Variants in KRT18 observed in about 807,000 individuals in gnomAD.
KRT18 encodes the protein keratin, type I cytoskeletal 18.
KRT18 carries 8 observed loss-of-function variants against 39.9 expected under a neutral mutation model. That is an observed-to-expected ratio of 0.20 (90% CI 0.12 to 0.36). The LOEUF (loss-of-function observed/expected upper bound fraction) is 0.36, where lower values mean the gene tolerates loss of function less well. Ranked by LOEUF, KRT18 falls within the 10% of genes least tolerant of loss-of-function variation. KRT18 has a pLI of 1.00. For synonymous variants in KRT18, 194 were observed against 227.8 expected, an observed-to-expected ratio of 0.85 and a Z score of 1.33; for missense variants, 396 against 565.7, an observed-to-expected ratio of 0.70 and a Z score of 3.04.
rs531597374 is a variant in KRT18, at chr12:52,950,905, A to G, written c.656A>G (p.Glu219Gly). The change falls in exon 3 of 7, where the codon GAG becomes GGG. Residue 219 changes from glutamate to glycine, a missense_variant and splice_region_variant. By Grantham distance (98) the Glu-to-Gly change is moderately conservative. Transcript: ENST00000388835. The stretch of plus-strand genomic sequence containing the variant: ...CTCTTCATGAAGAAGAACCACGAAG[A>G]GGCAAGCAGGGGCCACTGGCCAGGC... ...ELLFMKKNHE[E>G]EVKGLQAQIA... 4.5e-6 allele frequency: 7 copies of G among 1,572,150 alleles called. No homozygotes were observed. The South Asian group carries it at 4.6e-5, about 10-fold the overall frequency.
chr12:52,952,085 G>T, intron 5 of KRT18, 34 bp from the exon 6 acceptor site: 2 of 1,501,854 alleles, frequency 1.3e-6, no homozygotes, highest in African/African-American at 2.8e-5. Context: ...GGGACTCTGG[G>T]CTCACCCTGC....
chr12:52,952,580 T>G, intron 6 of KRT18, 142 bp from the exon 7 acceptor site: 1 of 1,007,160 alleles, frequency 9.9e-7, no homozygotes, highest in Non-Finnish European at 1.6e-6. Flanking sequence ...AGTTTGGCCT[T>G]GAGTTTCCCT....
chr12:52,952,090 C>T (rs996180329), intron 5 of KRT18, 29 bp from the exon 6 acceptor site: 18 of 1,515,338 alleles, frequency 1.2e-5, no homozygotes, highest in Non-Finnish European at 1.5e-5. Flanking sequence ...TCTGGGCTCA[C>T]CCTGCCCCTC....
chr12:52,952,293 G>A lies in KRT18; in HGVS notation c.1123G>A (p.Ala375Thr), dbSNP rs1175939678. ...ALLNIKVKLEAEIATYRRLLE... is the reference protein window; with the variant it reads ...ALLNIKVKLETEIATYRRLLE... ...GCTGAACATCAAGGTCAAGCTGGAG[G>A]CTGAGATCGCCACCTACCGCCGCCT... The change falls in exon 6 of 7, where the codon GCT (alanine) becomes ACT (threonine). Residue 375 changes from alanine to threonine, a missense_variant. Transcript: ENST00000388835. The A allele has an allele frequency of 3.1e-6, 5 of 1,608,618 alleles. 1 individual carries two copies. In the African/African-American group the frequency reaches 5.3e-5, roughly 17 times the overall value.
rs373418568 is a variant in KRT18, at chr12:52,949,148, C to G, written c.-26C>G. 3 of 1,591,430 alleles carry G rather than the reference C, an allele frequency of 1.9e-6. No individual in the cohort carries two copies. In the South Asian group the frequency reaches 3.3e-5, roughly 18 times the overall value. On this transcript the variant is annotated 5_prime_UTR_variant, in exon 1 of 7. Transcript: ENST00000388835. ...CACCGTCGTCCGCAAAGCCTGAGTCCTGTCCTTTCTCTCTCCCCGGACAGC... is the reference window on the plus strand; with the variant it reads ...CACCGTCGTCCGCAAAGCCTGAGTCGTGTCCTTTCTCTCTCCCCGGACAGC...
chr12:52,948,981 G>T, upstream of KRT18: 2 of 477,992 alleles, frequency 4.2e-6, no homozygotes, highest in Non-Finnish European at 3.6e-6. Flanking sequence ...CGCGGGGGTG[G>T]GGCCCGGGGC....
At chr12:52,951,905 G>A in intron 5 of KRT18, 49 bp downstream of exon 5, 1 of 1,602,764 alleles carries the variant, frequency 6.2e-7, no homozygotes. Context: ...CTTGGCCTCA[G>A]ACCCAACCCT....
chr12:52,952,701 G>A, intron 6 of KRT18, 21 bp from the exon 7 acceptor site: 13 of 1,610,600 alleles, frequency 8.1e-6, no homozygotes, highest in Non-Finnish European at 1.1e-5. Flanking sequence ...TTTATAACTT[G>A]GGCTTGGTCT....
At position 52,952,719 on chromosome 12, in the gene KRT18, C is replaced by T; in HGVS notation, c.1173-3C>T. 1 of 1,612,578 alleles carries T rather than the reference C, an allele frequency of 6.2e-7. No homozygotes were observed. The highest frequency in any genetic ancestry group is 8.5e-7 in the Non-Finnish European group (1 of 1,179,972). On this transcript the variant is annotated splice_region_variant and splice_polypyrimidine_tract_variant and intron_variant, in intron 6 of 6. Transcript: ENST00000388835. Reference sequence around the variant, plus strand: ...ATAACTTGGGCTTGGTCTTCTGTTACAGTCTTGGTGATGCCTTGGACAGCA... The same window carrying T: ...ATAACTTGGGCTTGGTCTTCTGTTATAGTCTTGGTGATGCCTTGGACAGCA...
In KRT18 at chr12:52,952,173, A is replaced by G. The variant is rs1382413504; in HGVS notation, c.1003A>G (p.Met335Val). 6.3e-7 allele frequency: 1 copy of G among 1,583,638 alleles called. No individual in the cohort carries two copies. The highest frequency in any genetic ancestry group is 1.2e-5 in the South Asian group (1 of 86,734). Reference sequence around the variant, plus strand: ...GGTGGAGGCCCGCTACGCCCTACAGATGGAGCAGCTCAACGGGATCCTGCT... The same window carrying G: ...GGTGGAGGCCCGCTACGCCCTACAGGTGGAGCAGCTCAACGGGATCCTGCT... The part of the protein sequence containing the change: ...REVEARYALQ[M>V]EQLNGILLHL... Residue 335 changes from methionine (M) to valine (V), a missense_variant, in exon 6 of 7, where the codon ATG becomes GTG. Physicochemically the swap from Met to Val is conservative, Grantham distance 21 (BLOSUM62 1). Coordinates refer to ENST00000388835, the MANE Select transcript of KRT18 (RefSeq NM_000224.3).
At chr12:52,951,330 G>T (rs1752461594) in intron 3 of KRT18, 151 bp from the exon 4 acceptor site, 2 of 796,310 alleles carry the variant, frequency 2.5e-6, no homozygotes, top group Non-Finnish European at 4.4e-6. Context: ...GAGTAGAAAG[G>T]CCAGAACTGG....
intron 3 of KRT18, 87 bp from the exon 4 acceptor site, chr12:52,951,394 G>C: frequency 7.5e-7 from 1 of 1,334,214 alleles, no homozygotes; most frequent in Middle Eastern, 1.8e-4. Context: ...CCAACTGTAG[G>C]CCTCCTAGAA....
chr12:52,952,040 A>G (rs1727399107), intron 5 of KRT18, 79 bp from the exon 6 acceptor site: 5 of 1,380,284 alleles, frequency 3.6e-6, no homozygotes, highest in Middle Eastern at 1.8e-4. Flanking sequence ...CAGGTGCCCA[A>G]AAAAGTTTCC....
rs2120781932 is a variant in KRT18 at position 52,952,746 on chromosome 12, C to T, written c.1197C>T (p.Ser399=). The T allele has an allele frequency of 1.2e-6, 2 of 1,613,002 alleles. No homozygotes were observed. The highest frequency in any genetic ancestry group is 8.5e-7 in the Non-Finnish European group (1 of 1,179,946). The part of the protein sequence containing the change: ...DFNLGDALDS[S]NSMQTIQKTT... Reference sequence around the variant, plus strand: ...GTCTTGGTGATGCCTTGGACAGCAGCAACTCCATGCAAACCATCCAAAAGA... The same window carrying T: ...GTCTTGGTGATGCCTTGGACAGCAGTAACTCCATGCAAACCATCCAAAAGA... The change falls in exon 7 of 7, where the codon AGC becomes AGT. Residue 399 remains serine, a synonymous_variant. Transcript: ENST00000388835.
intron 1 of KRT18, 49 bp downstream of exon 1, chr12:52,949,639 T>TTG (rs1942438421): frequency 6.7e-7 from 1 of 1,489,986 alleles, no homozygotes; most frequent in African/African-American, 1.4e-5. Context: ...GACCCTCCAA[T>TTG]TATACACTCC....
intron 6 of KRT18, 138 bp downstream of exon 6, chr12:52,952,480 G>T: frequency 3.9e-6 from 3 of 769,066 alleles, no homozygotes; most frequent in Non-Finnish European, 4.5e-6. Flanking sequence ...GGGTGCTCCT[G>T]TGTCTTCAAG....
chr12:52,952,080 T>C, intron 5 of KRT18, 39 bp from the exon 6 acceptor site: 1 of 1,487,914 alleles, frequency 6.7e-7, no homozygotes. Context: ...GTCCTGGGAC[T>C]CTGGGCTCAC....
At chr12:52,951,892 T>C in intron 5 of KRT18, 36 bp downstream of exon 5, 1 of 1,603,324 alleles carries the variant, frequency 6.2e-7, no homozygotes, top group Non-Finnish European at 8.5e-7. Context: ...AGCTCCTCCT[T>C]CACTTGGCCT....
chr12:52,950,409 A>G lies in KRT18; in HGVS notation c.499A>G (p.Lys167Glu). 6.2e-7 allele frequency: 1 copy of G among 1,609,032 alleles called. No individual in the cohort carries two copies. Among genetic ancestry groups the G allele is most frequent in the Non-Finnish European group, 8.5e-7 (1 of 1,175,612 alleles). The change falls in exon 2 of 7, where the codon AAG becomes GAG. Residue 167 changes from lysine (K) to glutamate (E), a missense_variant and splice_region_variant. By Grantham distance (56) the Lys-to-Glu change is moderately conservative. Coordinates refer to ENST00000388835, the MANE Select transcript of KRT18 (RefSeq NM_000224.3). ...ARLAADDFRV[K>E]YETELAMRQS... ...TCTTGCTGCTGATGACTTTAGAGTC[A>G]AGTAAGTTTGGGGGCTAGAGAGCTG...
Sources: allele counts gnomAD v4.1 joint callset, GRCh38; gene constraint gnomAD v4.1.1; transcripts MANE v1.5; gene names NCBI Gene and HGNC (gene_info 2026-07-23, HGNC 2026-07-21).